The following CNTNAP2 variants were observed in gnomAD, a reference collection of about 807,000 sequenced individuals.
CNTNAP2 encodes contactin-associated protein-like 2.
CNTNAP2 carries 98 observed loss-of-function variants against 155.2 expected under a neutral mutation model. The observed-to-expected ratio is 0.63, with a 90% CI of 0.54 to 0.75. The LOEUF (loss-of-function observed/expected upper bound fraction) is 0.75, where lower values mean the gene tolerates loss of function less well. Among genes scored for constraint, CNTNAP2 ranks in the 30% least tolerant of loss-of-function variants. CNTNAP2 has a pLI of 0.00. For synonymous variants in CNTNAP2, 651 were observed against 631.2 expected (o/e 1.03, Z -0.47); for missense variants, 1,727 against 1,688.1 (o/e 1.02, Z -0.40).
At position 147,552,607 on chromosome 7, in the gene CNTNAP2, C is replaced by CACACAG. The variant is rs199934935; in HGVS notation, c.1778-9530_1778-9529insCACAGA. ...ACACACACACACACACACACACACA[C>CACACAG]AGAGATATAAATAAGAAAAATCTAC... On this transcript the variant is annotated intron_variant, in intron 11 of 23. Coordinates refer to ENST00000361727, the MANE Select transcript of CNTNAP2 (RefSeq NM_014141.6). 3.5e-3 allele frequency among the ~76,000 whole-genome samples: 513 copies of CACACAG among 144,830 alleles called. 6 individuals are homozygous for CACACAG. Among genetic ancestry groups the CACACAG allele is most frequent in the African/African-American group, 0.012 (482 of 39,748 alleles).
At chr7:147,406,948 G>A (rs11972754) in intron 10 of CNTNAP2, among the ~76,000 whole-genome samples, 71,592 of 151,968 alleles carry the variant, frequency 0.47, 19,651 homozygotes, top group African/African-American at 0.77. Flanking sequence ...TCAACGAGTC[G>A]CAGCTGTTAT....
At chr7:146,469,364 A>C (rs1796760399) in intron 1 of CNTNAP2, among the ~76,000 whole-genome samples, 1 of 151,794 alleles carries the variant, frequency 6.6e-6, no homozygotes, top group Admixed American at 6.6e-5. Context: ...ATACCCTGAG[A>C]AAATGTTGGA....
chr7:147,287,212 C>G (rs10225100), intron 8 of CNTNAP2, among the ~76,000 whole-genome samples: 70,722 of 151,802 alleles, frequency 0.47, 17,120 homozygotes, highest in East Asian at 0.76. Context: ...CAGGTGCAAA[C>G]AGGATTCTGG....
At chr7:146,907,163 T>A (rs1054263582) in intron 3 of CNTNAP2, among the ~76,000 whole-genome samples, 3 of 152,054 alleles carry the variant, frequency 2.0e-5, no homozygotes, top group African/African-American at 7.2e-5. Context: ...AAAGACCAAA[T>A]CTACGTCTGA....
chr7:146,154,247 T>C (rs567882679), intron 1 of CNTNAP2, among the ~76,000 whole-genome samples: 2 of 152,204 alleles, frequency 1.3e-5, no homozygotes, highest in African/African-American at 2.4e-5. Context: ...AATATAGTGA[T>C]GTATATGTGG....
chr7:146,662,375 G>T (rs1035064652), intron 1 of CNTNAP2, among the ~76,000 whole-genome samples: 7 of 152,192 alleles, frequency 4.6e-5, no homozygotes, highest in Middle Eastern at 6.8e-3. Flanking sequence ...GACCTCAGTT[G>T]ATCCGCCCAC....
intron 10 of CNTNAP2, among the ~76,000 whole-genome samples, chr7:147,473,492 C>T (rs2116613441): frequency 6.6e-6 from 1 of 151,816 alleles, no homozygotes; most frequent in Non-Finnish European, 1.5e-5. Context: ...GTCGAGGGTC[C>T]AATTACCTTC....
rs142773570 is a variant in CNTNAP2, at chr7:146,427,677, G to A, written c.97+310704G>A. Among the ~76,000 whole-genome samples, 30 of 152,186 alleles carry A rather than the reference G, an allele frequency of 2.0e-4. No individual in the cohort carries two copies. In the East Asian group the frequency reaches 5.6e-3, roughly 28 times the overall value. ...CTTTCTTTTGCCTATAGTTACATAC[G>A]TTATTTTGTCTATAGCTATATATGC... On this transcript the variant is annotated intron_variant, in intron 1 of 23. Coordinates refer to ENST00000361727, the MANE Select transcript of CNTNAP2 (RefSeq NM_014141.6).
intron 2 of CNTNAP2, among the ~76,000 whole-genome samples, chr7:146,805,982 ATT>A (rs1000787289): frequency 6.6e-5 from 10 of 152,144 alleles, no homozygotes; most frequent in African/African-American, 2.2e-4. Flanking sequence ...GAATTAAGTC[ATT>A]GTCGACACAA....
At chr7:147,949,842 G>C (rs1335948240) in intron 14 of CNTNAP2, among the ~76,000 whole-genome samples, 2 of 152,134 alleles carry the variant, frequency 1.3e-5, no homozygotes, top group Non-Finnish European at 2.9e-5. Flanking sequence ...CCATGACTGA[G>C]AATTGAATTG....
intron 13 of CNTNAP2, among the ~76,000 whole-genome samples, chr7:147,884,645 GA>G (rs1563123265): frequency 6.6e-6 from 1 of 152,058 alleles, no homozygotes; most frequent in Non-Finnish European, 1.5e-5. Flanking sequence ...CTGTTGTCAG[GA>G]AAAAAAGAAT....
At chr7:148,400,289 G>C (rs1185692130) in intron 22 of CNTNAP2, among the ~76,000 whole-genome samples, 1 of 152,228 alleles carries the variant, frequency 6.6e-6, no homozygotes, top group African/African-American at 2.4e-5. Flanking sequence ...GCGCATTCTG[G>C]AAACTGTGCA....
chr7:146,248,932 G>A (rs1204916500), intron 1 of CNTNAP2, among the ~76,000 whole-genome samples: 1 of 152,146 alleles, frequency 6.6e-6, no homozygotes, highest in Non-Finnish European at 1.5e-5. Flanking sequence ...GGGAGAAAGG[G>A]GTGGGGCCGT....
intron 12 of CNTNAP2, among the ~76,000 whole-genome samples, chr7:147,566,408 C>A (rs982882826): frequency 1.3e-5 from 2 of 151,402 alleles, no homozygotes; most frequent in Non-Finnish European, 2.9e-5. Context: ...AGTCCGTTCT[C>A]ACGCTGCTAT....
In CNTNAP2 at chr7:147,856,278, C is replaced by G. The variant is rs983051926; in HGVS notation, c.2099-47287C>G. On this transcript the variant is annotated intron_variant, in intron 13 of 23. Coordinates refer to ENST00000361727, the MANE Select transcript of CNTNAP2 (RefSeq NM_014141.6). ...AGGCCCAGAGCCCAGGCCAGACTCA[C>G]TACATGAGCATTTTCAGCTACTAAG... is the stretch of plus-strand genomic sequence containing the variant. Among the ~76,000 whole-genome samples the G allele has an allele frequency of 2.0e-5, 3 of 152,126 alleles. No individual in the cohort carries two copies. The South Asian group carries it at 6.2e-4, about 31-fold the overall frequency.
intron 13 of CNTNAP2, among the ~76,000 whole-genome samples, chr7:147,873,488 A>G (rs1204588572): frequency 6.6e-6 from 1 of 152,194 alleles, no homozygotes; most frequent in East Asian, 1.9e-4. Context: ...TTATAAAACC[A>G]GCCAATCTTG....
At chr7:148,042,470 C>G (rs1481722932) in intron 15 of CNTNAP2, among the ~76,000 whole-genome samples, 2 of 152,128 alleles carry the variant, frequency 1.3e-5, no homozygotes, top group African/African-American at 2.4e-5. Context: ...TTTTCATTAT[C>G]CTAAAGGACA....
chr7:147,672,331 T>C (rs1218690553), intron 13 of CNTNAP2: 1 of 152,238 alleles, frequency 6.6e-6, no homozygotes, highest in African/African-American at 2.4e-5. Flanking sequence ...AGCAAAGTTA[T>C]AGAAAATGAC....
chr7:146,326,342 A>G (rs1801097671), intron 1 of CNTNAP2, among the ~76,000 whole-genome samples: 1 of 152,220 alleles, frequency 6.6e-6, no homozygotes, highest in Non-Finnish European at 1.5e-5. Context: ...AAAGTCTTCA[A>G]AACGAATTAA....
Sources: allele counts gnomAD v4.1 joint callset (sites outside exome capture counted in the v4.1 genomes callset), GRCh38; gene constraint gnomAD v4.1.1; transcripts MANE v1.5; gene names NCBI Gene and HGNC (gene_info 2026-07-23, HGNC 2026-07-21).